RSU1: variants seen among roughly 807,000 people sequenced by gnomAD.
RSU1 encodes Ras suppressor protein 1.
A neutral mutation model predicts 31.1 loss-of-function variants in RSU1; 26 were observed. That is an observed-to-expected ratio of 0.84 (90% CI 0.61 to 1.16). RSU1 has a LOEUF of 1.16. RSU1 is among the 50% of genes most tolerant of loss of function. The pLI is 0.00. For missense variants in RSU1, 320 were observed against 339.1 expected (o/e 0.94, Z 0.44); for synonymous variants, 164 against 136.3 (o/e 1.20, Z -1.41).
At chr10:16,615,800 G>GA (rs769072775) in intron 8 of RSU1, among the ~76,000 whole-genome samples, 1 of 152,140 alleles carries the variant, frequency 6.6e-6, no homozygotes, top group African/African-American at 2.4e-5. Flanking sequence ...AATTAAGGCA[G>GA]AAAAAAGTAA....
chr10:16,642,398 A>G (rs933705902), intron 8 of RSU1, among the ~76,000 whole-genome samples: 3 of 152,040 alleles, frequency 2.0e-5, no homozygotes, highest in African/African-American at 7.2e-5. Context: ...CTCACCTTGG[A>G]CTCTGGTTAG....
intron 8 of RSU1, among the ~76,000 whole-genome samples, chr10:16,624,002 G>A (rs1834115021): frequency 6.6e-6 from 1 of 152,020 alleles, no homozygotes; most frequent in African/African-American, 2.4e-5. Flanking sequence ...ATGAAACCCA[G>A]TTCTGCTTCT....
chr10:16,745,589 T>C (rs1471183142), intron 7 of RSU1, among the ~76,000 whole-genome samples: 2 of 151,974 alleles, frequency 1.3e-5, no homozygotes, highest in Non-Finnish European at 1.5e-5. Flanking sequence ...AACCATGAGA[T>C]CTTGTGAGAC....
intron 8 of RSU1, among the ~76,000 whole-genome samples, chr10:16,620,257 G>A (rs1034110557): frequency 6.6e-6 from 1 of 152,152 alleles, no homozygotes; most frequent in South Asian, 2.1e-4. Flanking sequence ...TGCACTTTAA[G>A]TATCTTGAAA....
At chr10:16,720,869 C>T (rs1836243386) in intron 7 of RSU1, among the ~76,000 whole-genome samples, 2 of 152,094 alleles carry the variant, frequency 1.3e-5, no homozygotes, top group African/African-American at 4.8e-5. Flanking sequence ...TCCTGTGGGC[C>T]CAACTGCTTG....
chr10:16,816,081 G>A (rs1190570141), intron 2 of RSU1, among the ~76,000 whole-genome samples: 3 of 152,200 alleles, frequency 2.0e-5, no homozygotes, highest in Non-Finnish European at 4.4e-5. Context: ...CCAAAGCCAC[G>A]TCAGCCTGAA....
intron 8 of RSU1, among the ~76,000 whole-genome samples, chr10:16,595,186 T>C (rs1009281120): frequency 1.4e-4 from 21 of 152,312 alleles, no homozygotes; most frequent in African/African-American, 4.8e-4. Context: ...CAAAGTGGGA[T>C]TACAGGGATG....
chr10:16,711,952 AT>A (rs1836029895), intron 7 of RSU1, among the ~76,000 whole-genome samples: 1 of 152,084 alleles, frequency 6.6e-6, no homozygotes, highest in South Asian at 2.1e-4. Flanking sequence ...CCCTTTTATA[AT>A]TGTATTGCAG....
intron 8 of RSU1, among the ~76,000 whole-genome samples, chr10:16,675,553 C>A (rs1210499746): frequency 6.6e-6 from 1 of 152,070 alleles, no homozygotes; most frequent in Admixed American, 6.5e-5. Flanking sequence ...ACACTAGAGA[C>A]CAGCGTCAGG....
At chr10:16,614,137 C>T (rs539751495) in intron 8 of RSU1, among the ~76,000 whole-genome samples, 37 of 152,178 alleles carry the variant, frequency 2.4e-4, no homozygotes, top group African/African-American at 7.0e-4. Context: ...AAAGCTCCCC[C>T]GTACTTAATG....
At chr10:16,668,436 C>A (rs1416251421) in intron 8 of RSU1, among the ~76,000 whole-genome samples, 2 of 152,118 alleles carry the variant, frequency 1.3e-5, no homozygotes, top group Non-Finnish European at 2.9e-5. Context: ...AAATATATTA[C>A]CTAGCTAGAT....
At chr10:16,723,907 G>T (rs1415372875) in intron 7 of RSU1, among the ~76,000 whole-genome samples, 1 of 152,128 alleles carries the variant, frequency 6.6e-6, no homozygotes, top group Non-Finnish European at 1.5e-5. Context: ...GTTGTTAAAT[G>T]CACTTATTCC....
intron 8 of RSU1, among the ~76,000 whole-genome samples, chr10:16,659,378 T>C (rs1182504849): frequency 2.0e-5 from 3 of 151,772 alleles, no homozygotes; most frequent in Admixed American, 1.3e-4. Flanking sequence ...CTGTTGGTGA[T>C]TTAAAAATAC....
At chr10:16,719,658 C>T (rs1376551871) in intron 7 of RSU1, among the ~76,000 whole-genome samples, 1 of 152,220 alleles carries the variant, frequency 6.6e-6, no homozygotes, top group African/African-American at 2.4e-5. Context: ...GCTTTTCCAA[C>T]TGCACTGTAA....
intron 8 of RSU1, among the ~76,000 whole-genome samples, chr10:16,673,469 TTGAC>T (rs60809551): frequency 0.083 from 12,687 of 152,218 alleles, 1,144 homozygotes; most frequent in African/African-American, 0.23. Flanking sequence ...CAATGGGAAT[TTGAC>T]TGGGAGAATT....
At chr10:16,620,115 A>G (rs1834043961) in intron 8 of RSU1, among the ~76,000 whole-genome samples, 1 of 152,198 alleles carries the variant, frequency 6.6e-6, no homozygotes, top group Non-Finnish European at 1.5e-5. Context: ...GCTTTATCAG[A>G]ATAGCAATGT....
chr10:16,752,331 C>G (rs901195280), intron 7 of RSU1, among the ~76,000 whole-genome samples: 8 of 152,240 alleles, frequency 5.3e-5, no homozygotes, highest in African/African-American at 1.9e-4. Context: ...AGACAGGGGA[C>G]ACTACAGCTG....
intron 8 of RSU1, among the ~76,000 whole-genome samples, chr10:16,634,905 C>T (rs764677311): frequency 5.3e-5 from 8 of 152,196 alleles, no homozygotes; most frequent in Non-Finnish European, 1.2e-4. Context: ...TTCTACTTTT[C>T]ATTTATTATA....
rs1353014347 is a variant in RSU1, at chr10:16,640,775, C to G, written c.732-47279G>C. 4.6e-5 allele frequency among the ~76,000 whole-genome samples: 7 copies of G among 152,226 alleles called. 1 individual carries two copies. Among genetic ancestry groups the G allele is most frequent in the Admixed American group, 4.6e-4 (7 of 15,290 alleles). On this transcript the variant is annotated intron_variant, in intron 8 of 8. Transcript: ENST00000345264. ...GGGGTTCAGCTGGCTGTTGGGTCCC[C>G]TGTTACAAGCTCTCATAGCACAGCC...
Sources: allele counts gnomAD v4.1 joint callset (sites outside exome capture counted in the v4.1 genomes callset), GRCh38; gene constraint gnomAD v4.1.1; transcripts MANE v1.5; gene names NCBI Gene and HGNC (gene_info 2026-07-23, HGNC 2026-07-21).